The following GJA3 variants were observed in gnomAD, a reference collection of about 807,000 sequenced individuals.
GJA3 encodes the protein gap junction alpha-3 protein.
For synonymous variants in GJA3, 297 were observed against 292.6 expected (o/e 1.02, Z -0.15); for missense variants, 571 against 620.3 (o/e 0.92, Z 0.84).
chr13:20,144,393 G>A (rs1220928554), intron 1 of GJA3, among the ~76,000 whole-genome samples: 2 of 152,158 alleles, frequency 1.3e-5, no homozygotes, highest in African/African-American at 2.4e-5. Context: ...GAAACAGCAC[G>A]CCCAGACTCA....
At chr13:20,158,912 CAA>C (rs1159654355) in intron 1 of GJA3, among the ~76,000 whole-genome samples, 3,750 of 54,982 alleles carry the variant, frequency 0.068, 17 homozygotes, top group African/African-American at 0.12. Context: ...GCAAAACTCT[CAA>C]AAAAAAAAAA....
At chr13:20,143,629 C>A (rs1188846374) in intron 1 of GJA3, among the ~76,000 whole-genome samples, 1 of 152,268 alleles carries the variant, frequency 6.6e-6, no homozygotes, top group African/African-American at 2.4e-5. Flanking sequence ...TCTGCGGCCC[C>A]TTAGGCCACT....
chr13:20,141,747 C>G lies in GJA3; in HGVS notation c.*234G>C. 1.6e-6 allele frequency: 1 copy of G among 606,876 alleles called. No homozygotes were observed. Among genetic ancestry groups the G allele is most frequent in the Non-Finnish European group, 2.7e-6 (1 of 367,284 alleles). 37.6% of individuals were successfully genotyped at this position (606,876 alleles called of 1,614,324 possible). A position where few individuals can be genotyped will look rare whatever the true frequency, so the allele number is the denominator to read the frequency against. ...CTTAAAGGCCCACAACCCTTGTCCCCGCCACCCCCAAACTCAGAAAGTGGG... is the reference window on the plus strand; with the variant it reads ...CTTAAAGGCCCACAACCCTTGTCCCGGCCACCCCCAAACTCAGAAAGTGGG... On this transcript the variant is annotated 3_prime_UTR_variant, in exon 2 of 2. Transcript: ENST00000241125.
At chr13:20,146,360 G>A (rs4769087) in intron 1 of GJA3, among the ~76,000 whole-genome samples, 18,168 of 152,232 alleles carry the variant, frequency 0.12, 1,685 homozygotes, top group East Asian at 0.44. Context: ...AATGCCTATC[G>A]TGCACCTGTT....
intron 1 of GJA3, among the ~76,000 whole-genome samples, chr13:20,148,687 T>C (rs74035927): frequency 0.026 from 3,925 of 152,332 alleles, 126 homozygotes; most frequent in Middle Eastern, 0.082. Context: ...ATGCCAGGAC[T>C]GACAGAGGCT....
intron 1 of GJA3, among the ~76,000 whole-genome samples, chr13:20,154,317 T>C (rs1258313840): frequency 6.6e-6 from 1 of 152,222 alleles, no homozygotes; most frequent in African/African-American, 2.4e-5. Flanking sequence ...TCTATTAGAT[T>C]TATCCCTCCA....
chr13:20,139,147 T>C lies in GJA3; in HGVS notation c.*2834A>G, dbSNP rs902744934. On this transcript the variant is annotated 3_prime_UTR_variant, in exon 2 of 2. Coordinates refer to ENST00000241125, the MANE Select transcript of GJA3 (RefSeq NM_021954.4). ...AGAAAGTGAGTGATAATATAAGTAA[T>C]AGTTTTAGAATTTAAAAAATGATTT... 1 of 152,174 alleles carries C rather than the reference T, an allele frequency of 6.6e-6. No homozygotes were observed. Among genetic ancestry groups the C allele is most frequent in the African/African-American group, 2.4e-5 (1 of 41,434 alleles). The allele number at this position is 152,174 out of a possible 1,614,324, so 9.4% of individuals were successfully genotyped here.
chr13:20,141,822 C>G lies in GJA3; in HGVS notation c.*159G>C. On this transcript the variant is annotated 3_prime_UTR_variant, in exon 2 of 2. Coordinates refer to ENST00000241125, the MANE Select transcript of GJA3 (RefSeq NM_021954.4). ...TGCTAAGAACAGCAAGCATTGAACA[C>G]GGAAACCTGATCTCTCCTCCATCGT... is the stretch of plus-strand genomic sequence containing the variant. The G allele has an allele frequency of 9.2e-7, 1 of 1,091,604 alleles. No homozygotes were observed. The highest frequency in any genetic ancestry group is 2.6e-5 in the Admixed American group (1 of 38,134). The allele number at this position is 1,091,604 out of a possible 1,614,324, so 67.6% of individuals were successfully genotyped here.
intron 1 of GJA3, among the ~76,000 whole-genome samples, chr13:20,147,350 C>T (rs949266524): frequency 3.9e-5 from 6 of 152,130 alleles, no homozygotes; most frequent in Non-Finnish European, 8.8e-5. Flanking sequence ...GAAAAAGAAT[C>T]CCTAACTGAT....
At chr13:20,149,256 G>A (rs1958862336) in intron 1 of GJA3, among the ~76,000 whole-genome samples, 1 of 152,082 alleles carries the variant, frequency 6.6e-6, no homozygotes, top group Admixed American at 6.5e-5. Context: ...CACTTTGGGA[G>A]GCCAAGCAGG....
At chr13:20,153,506 C>T (rs1365352209) in intron 1 of GJA3, among the ~76,000 whole-genome samples, 2 of 152,130 alleles carry the variant, frequency 1.3e-5, no homozygotes, top group Non-Finnish European at 2.9e-5. Flanking sequence ...AGCTAGAAAC[C>T]ATCATTCTGA....
chr13:20,158,912 CAAAAAAAAA>C (rs1159654355), intron 1 of GJA3, among the ~76,000 whole-genome samples: 4 of 54,980 alleles, frequency 7.3e-5, no homozygotes, highest in Non-Finnish European at 1.2e-4. Context: ...GCAAAACTCT[CAAAAAAAAA>C]AAAAAAAAAA....
rs766975987 is a variant in GJA3, at chr13:20,142,276, G to A, written c.1013C>T (p.Pro338Leu). 9 of 1,564,558 alleles carry A rather than the reference G, an allele frequency of 5.8e-6. No individual in the cohort carries two copies. Among genetic ancestry groups the A allele is most frequent in the Non-Finnish European group, 7.8e-6 (9 of 1,158,238 alleles). The change falls in exon 2 of 2, where the codon CCG becomes CTG. Residue 338 changes from proline to leucine, a missense_variant. Pro to Leu is a moderately conservative substitution (Grantham distance 98). Coordinates refer to ENST00000241125, the MANE Select transcript of GJA3 (RefSeq NM_021954.4). ...CGCTGCCGGGTAAGCCTTGAGCGCC[G>A]GGGGCTGCCGCTCGGCCGCCTGGTT... is the stretch of plus-strand genomic sequence containing the variant. ...WANQAAERQP[P>L]ALKAYPAAST... is the part of the protein sequence containing the mutation.
At chr13:20,157,187 C>A (rs1176652930) in intron 1 of GJA3, among the ~76,000 whole-genome samples, 1 of 152,108 alleles carries the variant, frequency 6.6e-6, no homozygotes. Flanking sequence ...CTTAGCAGTA[C>A]CCCACTTTCT....
At chr13:20,144,532 G>A (rs557081993) in intron 1 of GJA3, among the ~76,000 whole-genome samples, 101 of 152,316 alleles carry the variant, frequency 6.6e-4, no homozygotes, top group African/African-American at 2.3e-3. Flanking sequence ...TCCGAAGAAG[G>A]CAGCCCAAGG....
chr13:20,152,083 C>G (rs1354680031), intron 1 of GJA3, among the ~76,000 whole-genome samples: 2 of 152,106 alleles, frequency 1.3e-5, no homozygotes, highest in Non-Finnish European at 2.9e-5. Flanking sequence ...TTGTCTGGGA[C>G]ATGCTAAGTT....
intron 1 of GJA3, among the ~76,000 whole-genome samples, chr13:20,153,591 C>T (rs945289407): frequency 6.6e-6 from 1 of 152,062 alleles, no homozygotes; most frequent in African/African-American, 2.4e-5. Flanking sequence ...AATGAGAACA[C>T]TTGGACACAG....
intron 1 of GJA3, among the ~76,000 whole-genome samples, chr13:20,155,670 T>A (rs1958903279): frequency 6.6e-6 from 1 of 151,916 alleles, no homozygotes; most frequent in Non-Finnish European, 1.5e-5. Context: ...CTTTTAAAAA[T>A]GACAGGTTAT....
intron 1 of GJA3, among the ~76,000 whole-genome samples, chr13:20,160,477 A>G (rs1245636075): frequency 2.0e-5 from 3 of 152,156 alleles, no homozygotes; most frequent in African/African-American, 7.2e-5. Context: ...AGAGTTTTCA[A>G]GCATTTCAGC....
Sources: allele counts gnomAD v4.1 joint callset (sites outside exome capture counted in the v4.1 genomes callset), GRCh38; gene constraint gnomAD v4.1.1; transcripts MANE v1.5; gene names NCBI Gene and HGNC (gene_info 2026-07-23, HGNC 2026-07-21).